SPTSSA: variants seen among roughly 807,000 people sequenced by gnomAD.
The protein encoded by SPTSSA is small subunit of serine palmitoyltransferase A.
SPTSSA carries 8 observed loss-of-function variants against 9.1 expected under a neutral mutation model. The observed-to-expected ratio is 0.88, with a 90% CI of 0.51 to 1.58. The LOEUF (loss-of-function observed/expected upper bound fraction) is 1.58. SPTSSA is among the 40% of genes most tolerant of loss of function. The pLI, the probability that SPTSSA is intolerant of heterozygous loss-of-function variation, is 0.00. For synonymous variants in SPTSSA, 42 were observed against 37.7 expected (o/e 1.11, Z -0.41); for missense variants, 100 against 93.8 (o/e 1.07, Z -0.27).
chr14:34,444,106 TTTAATAATAA>T (rs1446358871), intron 1 of SPTSSA, among the ~76,000 whole-genome samples: 4 of 151,058 alleles, frequency 2.6e-5, no homozygotes, highest in Non-Finnish European at 5.9e-5. Context: ...AATTAATTGG[TTTAATAATAA>T]TAAGAGCCTA....
intron 1 of SPTSSA, among the ~76,000 whole-genome samples, chr14:34,438,795 T>C (rs938772535): frequency 2.6e-5 from 4 of 152,182 alleles, no homozygotes; most frequent in Non-Finnish European, 5.9e-5. Context: ...GCATTTATCA[T>C]CCTTTACTTA....
At chr14:34,447,717 G>A (rs1815007381) in intron 1 of SPTSSA, among the ~76,000 whole-genome samples, 1 of 152,246 alleles carries the variant, frequency 6.6e-6, no homozygotes, top group Middle Eastern at 3.4e-3. Flanking sequence ...AAACCAAAAC[G>A]GGGTTGTTTG....
intron 1 of SPTSSA, among the ~76,000 whole-genome samples, chr14:34,449,496 G>A (rs908213545): frequency 3.6e-4 from 52 of 143,222 alleles, no homozygotes; most frequent in Non-Finnish European, 1.6e-4. Context: ...CACTGCACCC[G>A]GCCTCCCTTT....
At chr14:34,445,777 T>C (rs957972772) in intron 1 of SPTSSA, among the ~76,000 whole-genome samples, 3 of 152,240 alleles carry the variant, frequency 2.0e-5, no homozygotes, top group East Asian at 3.8e-4. Context: ...TATTCCAAAA[T>C]TGTATGGGAT....
chr14:34,439,879 A>T (rs1480325121), intron 1 of SPTSSA, among the ~76,000 whole-genome samples: 1 of 152,210 alleles, frequency 6.6e-6, no homozygotes, highest in East Asian at 1.9e-4. Context: ...TTTCCTACAT[A>T]TGAAAAGCCC....
chr14:34,458,811 A>C (rs1181151563), intron 1 of SPTSSA, among the ~76,000 whole-genome samples: 2 of 151,976 alleles, frequency 1.3e-5, no homozygotes, highest in African/African-American at 2.4e-5. Flanking sequence ...GGAAGTCAAG[A>C]AGCAAATAAT....
chr14:34,443,747 G>A (rs1005597244), intron 1 of SPTSSA, among the ~76,000 whole-genome samples: 1 of 152,004 alleles, frequency 6.6e-6, no homozygotes, highest in Non-Finnish European at 1.5e-5. Flanking sequence ...TGTTGGTCAG[G>A]CTAGTCTCCA....
At chr14:34,448,436 A>C (rs1474818496) in intron 1 of SPTSSA, among the ~76,000 whole-genome samples, 1 of 152,154 alleles carries the variant, frequency 6.6e-6, no homozygotes, top group Non-Finnish European at 1.5e-5. Flanking sequence ...ATGAGGCAGG[A>C]AAATAGGGTC....
chr14:34,439,364 G>T (rs1883285477), intron 1 of SPTSSA, among the ~76,000 whole-genome samples: 1 of 152,104 alleles, frequency 6.6e-6, no homozygotes, highest in South Asian at 2.1e-4. Context: ...TAAGCTAGGT[G>T]CAGTGGCTCA....
intron 1 of SPTSSA, among the ~76,000 whole-genome samples, chr14:34,438,533 A>G (rs1883274240): frequency 6.6e-6 from 1 of 152,110 alleles, no homozygotes; most frequent in Admixed American, 6.5e-5. Context: ...CTTACGGTAC[A>G]TTTCCATCTA....
At chr14:34,456,970 ATTAC>A (rs1482302425) in intron 1 of SPTSSA, among the ~76,000 whole-genome samples, 3 of 148,094 alleles carry the variant, frequency 2.0e-5, no homozygotes, top group Non-Finnish European at 3.0e-5. Flanking sequence ...TATTATTATT[ATTAC>A]TATTATTATT....
chr14:34,438,291 T>G (rs1360778304), intron 1 of SPTSSA, among the ~76,000 whole-genome samples: 1 of 147,866 alleles, frequency 6.8e-6, no homozygotes, highest in East Asian at 1.9e-4. Context: ...AAATTTCAGA[T>G]TTTTTTTTTA....
At chr14:34,449,198 C>T (rs1426168916) in intron 1 of SPTSSA, among the ~76,000 whole-genome samples, 1 of 151,546 alleles carries the variant, frequency 6.6e-6, no homozygotes, top group Non-Finnish European at 1.5e-5. Flanking sequence ...GAGTTCAAGA[C>T]CAGCCTGGGC....
chr14:34,441,004 C>T (rs1883308566), intron 1 of SPTSSA, among the ~76,000 whole-genome samples: 1 of 151,916 alleles, frequency 6.6e-6, no homozygotes, highest in South Asian at 2.1e-4. Flanking sequence ...CTAAGTGAAA[C>T]AATAACTTAT....
chr14:34,458,566 G>A (rs753456797), intron 1 of SPTSSA, among the ~76,000 whole-genome samples: 11 of 150,606 alleles, frequency 7.3e-5, no homozygotes, highest in African/African-American at 1.7e-4. Flanking sequence ...GCACGATCTC[G>A]GCTCACTGCA....
At chr14:34,452,498 C>T (rs1566425805) in intron 1 of SPTSSA, among the ~76,000 whole-genome samples, 1 of 152,150 alleles carries the variant, frequency 6.6e-6, no homozygotes, top group African/African-American at 2.4e-5. Flanking sequence ...GCTGATTATA[C>T]AAACCTAAGT....
intron 1 of SPTSSA, among the ~76,000 whole-genome samples, chr14:34,444,172 T>C (rs1471647544): frequency 6.6e-6 from 1 of 152,244 alleles, no homozygotes; most frequent in Non-Finnish European, 1.5e-5. Flanking sequence ...TGCCTTTTAG[T>C]TCATGTGACT....
At chr14:34,447,303 A>C (rs191688189) in intron 1 of SPTSSA, among the ~76,000 whole-genome samples, 4 of 151,642 alleles carry the variant, frequency 2.6e-5, no homozygotes, top group East Asian at 1.9e-4. Flanking sequence ...TTTAATCTAC[A>C]TAATTTTAGG....
intron 1 of SPTSSA, among the ~76,000 whole-genome samples, chr14:34,440,398 TG>T (rs1475615874): frequency 6.6e-6 from 1 of 152,176 alleles, no homozygotes; most frequent in Non-Finnish European, 1.5e-5. Context: ...CAAATGAAAA[TG>T]GTATAGTAAT....
Sources: allele counts gnomAD v4.1 joint callset (sites outside exome capture counted in the v4.1 genomes callset), GRCh38; gene constraint gnomAD v4.1.1; transcripts MANE v1.5; gene names NCBI Gene and HGNC (gene_info 2026-07-23, HGNC 2026-07-21).